The following ATG3 variants were observed in gnomAD, a reference collection of about 807,000 sequenced individuals.
ATG3 encodes autophagy related 3.
A neutral mutation model predicts 50.7 loss-of-function variants in ATG3; 25 were observed. The observed-to-expected ratio is 0.49, with a 90% CI of 0.36 to 0.69. ATG3 has a LOEUF of 0.69. ATG3 is among the 30% of genes least tolerant of loss of function. The probability of loss-of-function intolerance (pLI) is 0.00; values close to 1 mark genes in which losing one functional copy is unlikely to be tolerated. For missense variants in ATG3, 281 were observed against 376.0 expected (o/e 0.75, Z 2.09); for synonymous variants, 119 against 125.5 (o/e 0.95, Z 0.34).
At chr3:112,551,427 T>C (rs1933524565) in intron 3 of ATG3, among the ~76,000 whole-genome samples, 1 of 152,202 alleles carries the variant, frequency 6.6e-6, no homozygotes, top group Non-Finnish European at 1.5e-5. Context: ...TGATTTAAAA[T>C]GAATTTTTCC....
intron 5 of ATG3, 23 bp downstream of exon 5, chr3:112,548,510 A>G (rs781458329): frequency 1.3e-6 from 2 of 1,545,560 alleles, no homozygotes; most frequent in Non-Finnish European, 1.8e-6. Context: ...AACTAAATAT[A>G]TGTCATTTTA....
chr3:112,535,928 CT>C, intron 10 of ATG3: 1 of 152,992 alleles, frequency 6.5e-6, no homozygotes, highest in East Asian at 1.9e-4. Context: ...ACAGATTTGG[CT>C]CTGTGAAAAA....
At chr3:112,558,337 T>G (rs1245010636) in intron 2 of ATG3, 39 bp downstream of exon 2, 1 of 1,481,648 alleles carries the variant, frequency 6.7e-7, no homozygotes, top group Non-Finnish European at 9.3e-7. Context: ...TTAGTATTAT[T>G]GTAAAATAAA....
At chr3:112,534,374 T>C in intron 10 of ATG3, 37 bp from the exon 11 acceptor site, 1 of 1,485,964 alleles carries the variant, frequency 6.7e-7, no homozygotes, top group Non-Finnish European at 9.0e-7. Context: ...TTAATGTAGA[T>C]CGATTAGACC....
At chr3:112,541,518 A>G (rs980821444) in intron 7 of ATG3, among the ~76,000 whole-genome samples, 10 of 152,230 alleles carry the variant, frequency 6.6e-5, no homozygotes, top group Non-Finnish European at 1.3e-4. Context: ...TAATTCAGTT[A>G]GGAATTAATA....
Position 112,548,612 on chromosome 3 carries a change from C to T in ATG3, c.264G>A (p.Met88Ile). ...TAGCTTCCAATTCATCTGAATATTCCATCTGTTTGCACCGCTTATAGCACG... is the reference window on the plus strand; with the variant it reads ...TAGCTTCCAATTCATCTGAATATTCTATCTGTTTGCACCGCTTATAGCACG... The part of the protein sequence containing the change: ...NVPCYKRCKQ[M>I]EYSDELEAII... Residue 88 changes from methionine to isoleucine, a missense_variant, in exon 5 of 12, where the codon ATG (methionine) becomes ATA (isoleucine). By Grantham distance (10) the Met-to-Ile change is conservative. This residue lies in a region of ATG3 where 242 missense variants were observed against 305.0 expected (regional missense o/e 0.79). Coordinates refer to ENST00000283290, the MANE Select transcript of ATG3 (RefSeq NM_022488.5). 1 of 1,613,898 alleles carries T rather than the reference C, an allele frequency of 6.2e-7. No homozygotes were observed. The highest frequency in any genetic ancestry group is 2.2e-5 in the East Asian group (1 of 44,854).
intron 9 of ATG3, among the ~76,000 whole-genome samples, chr3:112,537,034 A>G (rs1933076726): frequency 6.6e-6 from 1 of 150,896 alleles, no homozygotes; most frequent in Non-Finnish European, 1.5e-5. Context: ...ATCTCACATC[A>G]CTTGCAATTT....
Position 112,561,709 on chromosome 3 carries a change from A to G in ATG3, c.-181T>C. 1.6e-6 allele frequency: 1 copy of G among 622,730 alleles called. No individual in the cohort carries two copies. Among genetic ancestry groups the G allele is most frequent in the Non-Finnish European group, 2.7e-6 (1 of 374,324 alleles). The allele number at this position is 622,730 out of a possible 1,614,324, so 38.6% of individuals were successfully genotyped here. ...GGGACGAGGGGGCGGGGCGGCAGGC[A>G]CAGCGCGCGAAGACGGGGTGCGCGA... On this transcript the variant is annotated 5_prime_UTR_variant, in exon 1 of 12. Transcript: ENST00000283290.
At chr3:112,546,164 C>T (rs1933362265) in intron 5 of ATG3, among the ~76,000 whole-genome samples, 1 of 150,382 alleles carries the variant, frequency 6.6e-6, no homozygotes, top group Non-Finnish European at 1.5e-5. Context: ...CAAAAAACAA[C>T]AACAACAAAC....
chr3:112,561,382 G>C, intron 1 of ATG3, 75 bp downstream of exon 1: 3 of 1,482,712 alleles, frequency 2.0e-6, no homozygotes, highest in Non-Finnish European at 2.8e-6. Flanking sequence ...GAGAAAGCGG[G>C]GACTCCTGCG....
Position 112,561,718 on chromosome 3 carries a change from G to C in ATG3, c.-190C>G, listed in dbSNP as rs1339298319. The C allele has an allele frequency of 5.8e-5, 35 of 599,244 alleles. No homozygotes were observed. Among genetic ancestry groups the C allele is most frequent in the Non-Finnish European group, 9.3e-5 (33 of 354,772 alleles). The allele number at this position is 599,244 out of a possible 1,614,324, so 37.1% of individuals were successfully genotyped here. On this transcript the variant is annotated 5_prime_UTR_variant, in exon 1 of 12. Coordinates refer to ENST00000283290, the MANE Select transcript of ATG3 (RefSeq NM_022488.5). Reference sequence around the variant, plus strand: ...GGGCGGGGCGGCAGGCACAGCGCGCGAAGACGGGGTGCGCGATCCTCGCAC... The same window carrying C: ...GGGCGGGGCGGCAGGCACAGCGCGCCAAGACGGGGTGCGCGATCCTCGCAC...
At chr3:112,556,304 G>A (rs965556884) in intron 2 of ATG3, among the ~76,000 whole-genome samples, 6 of 151,464 alleles carry the variant, frequency 4.0e-5, no homozygotes, top group East Asian at 1.9e-4. Context: ...CTGCCTGGCC[G>A]CCCCTACTGG....
Position 112,541,370 on chromosome 3 carries a change from T to A in ATG3, c.475+433A>T, listed in dbSNP as rs534261651. Among the ~76,000 whole-genome samples the A allele has an allele frequency of 1.1e-3, 169 of 149,380 alleles. 3 individuals carry two copies. The highest frequency in any genetic ancestry group is 4.0e-3 in the African/African-American group (160 of 40,460). ...CCACTGCACTCCAGCCTGGCGAGAG[T>A]GAGACTCCGTCTCAAAAAAAGAAAA... On this transcript the variant is annotated intron_variant, in intron 7 of 11. Transcript: ENST00000283290.
chr3:112,552,053 T>A (rs1306266809), intron 3 of ATG3, among the ~76,000 whole-genome samples: 1 of 150,652 alleles, frequency 6.6e-6, no homozygotes, highest in Non-Finnish European at 1.5e-5. Flanking sequence ...AGGCCACAGA[T>A]GAAAGAGTTT....
At chr3:112,543,971 T>C (rs756659268) in intron 6 of ATG3, 86 bp downstream of exon 6, 33 of 933,000 alleles carry the variant, frequency 3.5e-5, no homozygotes, top group Non-Finnish European at 4.5e-5. Flanking sequence ...AAGAAAGATA[T>C]GGTGATTATA....
In ATG3 at chr3:112,555,503, T is replaced by C. The variant is rs190210068; in HGVS notation, c.115-2174A>G. 2.0e-4 allele frequency among the ~76,000 whole-genome samples: 31 copies of C among 152,352 alleles called. No individual in the cohort carries two copies. In the East Asian group the frequency reaches 5.8e-3, roughly 28 times the overall value. On this transcript the variant is annotated intron_variant, in intron 2 of 11. Coordinates refer to ENST00000283290, the MANE Select transcript of ATG3 (RefSeq NM_022488.5). ...AATAGTATTCTACTTAAACAAGTCATACATACATCCAACATTAGTTTTTTC... is the reference window on the plus strand; with the variant it reads ...AATAGTATTCTACTTAAACAAGTCACACATACATCCAACATTAGTTTTTTC...
chr3:112,533,506 T>G (rs2082570775), intron 11 of ATG3: 1 of 985,284 alleles, frequency 1.0e-6, no homozygotes, highest in Non-Finnish European at 1.2e-6. Flanking sequence ...AGGGACACAC[T>G]TTATTAGCAA....
intron 3 of ATG3, among the ~76,000 whole-genome samples, chr3:112,552,919 T>G (rs564259820): frequency 3.9e-5 from 6 of 152,290 alleles, no homozygotes; most frequent in African/African-American, 1.4e-4. Flanking sequence ...GTGCTGGGAT[T>G]ACAGGTGTGA....
chr3:112,561,520 A>C lies in ATG3; in HGVS notation c.9T>G (p.Asn3Lys). 1 of 1,584,502 alleles carries C rather than the reference A, an allele frequency of 6.3e-7. No homozygotes were observed. Among genetic ancestry groups the C allele is most frequent in the Non-Finnish European group, 8.6e-7 (1 of 1,163,362 alleles). Residue 3 changes from asparagine to lysine, a missense_variant, in exon 1 of 12, where the codon AAT becomes AAG. Transcript: ENST00000283290. MQ[N>K]VINTVKGKAL... ...CCTTTCCCTTCACAGTATTAATCAC[A>C]TTCTGCATCCTGGGGCCGGAGTAGC... is the stretch of plus-strand genomic sequence containing the variant.
Sources: allele counts gnomAD v4.1 joint callset (sites outside exome capture counted in the v4.1 genomes callset), GRCh38; gene constraint gnomAD v4.1.1; regional missense constraint gnomAD v4.1.1; transcripts MANE v1.5; gene names NCBI Gene and HGNC (gene_info 2026-07-23, HGNC 2026-07-21).